The following CSMD1 variants were observed in gnomAD, a reference collection of about 807,000 sequenced individuals.
The protein encoded by CSMD1 is CUB and sushi domain-containing protein 1.
A neutral mutation model predicts 417.5 loss-of-function variants in CSMD1; 213 were observed. That is an observed-to-expected ratio of 0.51 (90% CI 0.46 to 0.57). The LOEUF (loss-of-function observed/expected upper bound fraction) is 0.57. CSMD1 is among the 20% of genes least tolerant of loss of function. The pLI is 0.00. For missense variants in CSMD1, 6,923 were observed against 4,529.7 expected (o/e 1.53, Z -15.17); for synonymous variants, 2,862 against 1,736.8 (o/e 1.65, Z -16.11).
rs199636188 is a variant in CSMD1, at chr8:3,445,427, TCAGA to T, written c.1561+23281_1561+23284del. Among the ~76,000 whole-genome samples, 388 of 152,274 alleles carry T rather than the reference TCAGA, an allele frequency of 2.5e-3. 8 individuals carry two copies. Among genetic ancestry groups the T allele is most frequent in the Admixed American group, 0.023 (356 of 15,292 alleles). ...GACTGTGCCTACTTGCAGATAGTTC[TCAGA>T]AAGAGAAAGTGAATTACAAAGTGAG... On this transcript the variant is annotated intron_variant, in intron 12 of 69. Coordinates refer to ENST00000635120, the MANE Select transcript of CSMD1 (RefSeq NM_033225.6).
intron 7 of CSMD1, among the ~76,000 whole-genome samples, chr8:3,625,115 T>A (rs1191887163): frequency 2.6e-5 from 4 of 152,106 alleles, no homozygotes; most frequent in African/African-American, 9.7e-5. Context: ...ATTTGTACAG[T>A]CTCTAGCAGT....
Position 3,492,537 on chromosome 8 carries a change from G to C in CSMD1, c.1448+1086C>G, listed in dbSNP as rs574538419. ...AGCTATCTGTGGAGTTGCAAAGGCAGATAAGAGCAGGTATTTCCTTTCTCT... is the reference window on the plus strand; with the variant it reads ...AGCTATCTGTGGAGTTGCAAAGGCACATAAGAGCAGGTATTTCCTTTCTCT... On this transcript the variant is annotated intron_variant, in intron 11 of 69. Coordinates refer to ENST00000635120, the MANE Select transcript of CSMD1 (RefSeq NM_033225.6). Among the ~76,000 whole-genome samples the C allele has an allele frequency of 1.7e-4, 26 of 151,284 alleles. No individual in the cohort carries two copies. In the South Asian group the frequency reaches 5.3e-3, roughly 31 times the overall value.
chr8:3,930,775 A>C (rs1810085754), intron 5 of CSMD1, among the ~76,000 whole-genome samples: 2 of 150,690 alleles, frequency 1.3e-5, no homozygotes, highest in South Asian at 2.1e-4. Context: ...ACCAGGGAAC[A>C]AGCATTTCTA....
At chr8:3,797,229 C>G (rs1043914160) in intron 5 of CSMD1, among the ~76,000 whole-genome samples, 37 of 151,876 alleles carry the variant, frequency 2.4e-4, no homozygotes, top group African/African-American at 8.7e-4. Flanking sequence ...CTTCAACCAT[C>G]TCTATTTTCA....
chr8:4,117,443 G>A (rs1802220422), intron 3 of CSMD1, among the ~76,000 whole-genome samples: 1 of 151,984 alleles, frequency 6.6e-6, no homozygotes, highest in African/African-American at 2.4e-5. Context: ...ACCGCATGCT[G>A]CAATTTCAGG....
chr8:3,788,085 G>C (rs947625825), intron 5 of CSMD1, among the ~76,000 whole-genome samples: 11 of 152,214 alleles, frequency 7.2e-5, no homozygotes, highest in Admixed American at 7.2e-4. Context: ...AGTGTTCTTT[G>C]GGAAGACTTG....
chr8:3,377,928 T>A (rs1174943126), intron 18 of CSMD1, among the ~76,000 whole-genome samples: 1 of 152,212 alleles, frequency 6.6e-6, no homozygotes, highest in Non-Finnish European at 1.5e-5. Context: ...TATCTAACTT[T>A]ATGGAGCTGA....
rs868092985 is a variant in CSMD1 at position 3,275,821 on chromosome 8, T to C, written c.4153+8323A>G. Among the ~76,000 whole-genome samples, 23 of 152,088 alleles carry C rather than the reference T, an allele frequency of 1.5e-4. No individual in the cohort carries two copies. The South Asian group carries it at 1.9e-3, about 12-fold the overall frequency. On this transcript the variant is annotated intron_variant, in intron 26 of 69. Coordinates refer to ENST00000635120, the MANE Select transcript of CSMD1 (RefSeq NM_033225.6). ...TTCTCTGTATTGGTTATTCTAGTTA[T>C]ACATTCTTCTAAACTTTTTTCATAG...
At chr8:3,218,940 A>G (rs537205018) in intron 29 of CSMD1, among the ~76,000 whole-genome samples, 11 of 152,322 alleles carry the variant, frequency 7.2e-5, no homozygotes, top group African/African-American at 2.6e-4. Flanking sequence ...AACAAATTAT[A>G]AGGTGTTAAA....
chr8:3,354,889 G>T (rs34438895), intron 21 of CSMD1, among the ~76,000 whole-genome samples: 1 of 140,928 alleles, frequency 7.1e-6, no homozygotes, highest in Non-Finnish European at 1.5e-5. Context: ...CTATAGATAT[G>T]TCTATCTATA....
At chr8:2,999,597 A>G (rs1474703141) in intron 53 of CSMD1, among the ~76,000 whole-genome samples, 2 of 151,986 alleles carry the variant, frequency 1.3e-5, no homozygotes, top group Non-Finnish European at 2.9e-5. Context: ...GCAGACCCAG[A>G]CTCTGCACCT....
chr8:3,905,473 G>T (rs539228202), intron 5 of CSMD1, among the ~76,000 whole-genome samples: 1 of 152,204 alleles, frequency 6.6e-6, no homozygotes, highest in African/African-American at 2.4e-5. Flanking sequence ...TCCAATGACG[G>T]TGACTTTCCT....
chr8:4,033,168 C>T lies in CSMD1; in HGVS notation c.416-1069G>A, dbSNP rs188456492. On this transcript the variant is annotated intron_variant, in intron 3 of 69. Transcript: ENST00000635120. ...AAAAAAAAAAAAACCTGGCCAGGCA[C>T]GGTAGCTCACGCCTGTAGTCCCAGC... 3.8e-3 allele frequency among the ~76,000 whole-genome samples: 546 copies of T among 143,382 alleles called. 3 individuals are homozygous for T. Among genetic ancestry groups the T allele is most frequent in the African/African-American group, 0.014 (521 of 38,512 alleles). The allele number at this position is 143,382 out of a possible 152,430, so 94.1% of individuals were successfully genotyped here.
chr8:4,120,550 C>G (rs1167425755), intron 3 of CSMD1, among the ~76,000 whole-genome samples: 1 of 152,302 alleles, frequency 6.6e-6, no homozygotes, highest in East Asian at 1.9e-4. Context: ...ATAAGGGATA[C>G]CAAAACTGGC....
At chr8:3,603,995 A>G (rs1042402245) in intron 8 of CSMD1, among the ~76,000 whole-genome samples, 1 of 152,204 alleles carries the variant, frequency 6.6e-6, no homozygotes, top group Non-Finnish European at 1.5e-5. Flanking sequence ...TGCATACTGA[A>G]TCAATATTTA....
At chr8:4,788,090 G>C in intron 1 of CSMD1, 1 of 1,601,496 alleles carries the variant, frequency 6.2e-7, no homozygotes, top group Non-Finnish European at 8.5e-7. Context: ...AGTTGCTTTT[G>C]AAATCAGAAA....
At chr8:4,815,593 G>A (rs1044368939) in intron 1 of CSMD1, among the ~76,000 whole-genome samples, 4 of 151,188 alleles carry the variant, frequency 2.6e-5, no homozygotes, top group Non-Finnish European at 4.4e-5. Context: ...CTATTTGGGA[G>A]GCTGAGGCAG....
intron 26 of CSMD1, among the ~76,000 whole-genome samples, chr8:3,232,941 A>T (rs1201534624): frequency 5.2e-5 from 5 of 95,918 alleles, no homozygotes; most frequent in South Asian, 3.0e-4. Flanking sequence ...TCAGTTATTT[A>T]AAAAAAAAAT....
rs546521737 is a variant in CSMD1, at chr8:3,492,842, C to CA, written c.1448+780dup. ...AGTCACCCCCAACACTTTTCCCCCC[C>CA]ATGTCTGTTACTTTATTACGCAGTT... On this transcript the variant is annotated intron_variant, in intron 11 of 69. Coordinates refer to ENST00000635120, the MANE Select transcript of CSMD1 (RefSeq NM_033225.6). Among the ~76,000 whole-genome samples, 620 of 151,972 alleles carry CA rather than the reference C, an allele frequency of 4.1e-3. 4 individuals carry two copies. The highest frequency in any genetic ancestry group is 0.01 in the Middle Eastern group (3 of 294).
Sources: allele counts gnomAD v4.1 joint callset (sites outside exome capture counted in the v4.1 genomes callset), GRCh38; gene constraint gnomAD v4.1.1; transcripts MANE v1.5; gene names NCBI Gene and HGNC (gene_info 2026-07-23, HGNC 2026-07-21).